FLRT1: variants seen among roughly 807,000 people sequenced by gnomAD.
The protein encoded by FLRT1 is leucine-rich repeat transmembrane protein FLRT1.
In FLRT1, 14 loss-of-function variants were observed where a neutral mutation model predicts 30.9. The observed-to-expected ratio is 0.45, with a 90% confidence interval of 0.30 to 0.71. FLRT1 has a LOEUF of 0.71. FLRT1 is among the 30% of genes least tolerant of loss of function. The pLI is 0.08. For missense variants in FLRT1, 737 were observed against 949.2 expected, an observed-to-expected ratio of 0.78 and a Z score of 2.94; for synonymous variants, 368 against 430.4, an observed-to-expected ratio of 0.85 and a Z score of 1.80.
In FLRT1 at chr11:64,096,508, C is replaced by T. The variant is rs572237711; in HGVS notation, c.-1037-6686C>T. On this transcript the variant is annotated intron_variant, in intron 1 of 2. Transcript: ENST00000682287. The surrounding 1 kb of genome is among the most constrained non-coding windows in gnomAD (Gnocchi z 4.6). ...TCGGCTCACTGCAACCTCCGCCTTC[C>T]GGGTTCAAGCAATTCTCTTGCCTCA... Among the ~76,000 whole-genome samples the T allele has an allele frequency of 7.2e-5, 11 of 152,130 alleles. No individual in the cohort carries two copies. The East Asian group carries it at 7.7e-4, about 11-fold the overall frequency.
chr11:64,051,140 G>A (rs1943686332), intron 1 of FLRT1, among the ~76,000 whole-genome samples: 2 of 152,210 alleles, frequency 1.3e-5, no homozygotes, highest in South Asian at 4.1e-4. Context: ...CAGGTTTGAG[G>A]CCCCCTGACC....
intron 1 of FLRT1, among the ~76,000 whole-genome samples, chr11:64,074,258 T>A (rs1211497310): frequency 6.6e-6 from 1 of 152,192 alleles, no homozygotes; most frequent in East Asian, 1.9e-4. Flanking sequence ...CTTTCCTCTT[T>A]CTCAGGTGTG....
Position 64,067,836 on chromosome 11 carries a change from A to G in FLRT1, c.-1038+31677A>G, listed in dbSNP as rs1944033738. ...CCCCACACTCCTGAAATGGGTGATG[A>G]GGGGGTTGGGGGAGGAGCTGAGCGG... On this transcript the variant is annotated intron_variant, in intron 1 of 2. Coordinates refer to ENST00000682287, the MANE Select transcript of FLRT1 (RefSeq NM_013280.5). This position sits in a 1 kb window ranked among gnomAD's most constrained non-coding sequence, Gnocchi z 4.6. Among the ~76,000 whole-genome samples, 2 of 151,922 alleles carry G rather than the reference A, an allele frequency of 1.3e-5. No homozygotes were observed. Among genetic ancestry groups the G allele is most frequent in the Non-Finnish European group, 2.9e-5 (2 of 67,978 alleles).
intron 1 of FLRT1, among the ~76,000 whole-genome samples, chr11:64,091,051 G>T (rs1047276790): frequency 6.7e-6 from 1 of 150,312 alleles, no homozygotes; most frequent in African/African-American, 2.5e-5. Context: ...GACAGAGGAG[G>T]AGGAGGGAAG....
chr11:64,044,137 A>C (rs115493268), intron 1 of FLRT1, among the ~76,000 whole-genome samples: 367 of 152,132 alleles, frequency 2.4e-3, no homozygotes, highest in African/African-American at 8.4e-3. Flanking sequence ...ATCTTAAAGC[A>C]TATGCTCGTA....
intron 1 of FLRT1, among the ~76,000 whole-genome samples, chr11:64,061,569 C>T (rs1003389924): frequency 6.6e-6 from 1 of 152,270 alleles, no homozygotes; most frequent in East Asian, 1.9e-4. Flanking sequence ...CACCACCCCC[C>T]ATTTGCTGCA....
chr11:64,107,885 C>A lies in FLRT1; in HGVS notation c.-50+3704C>A, dbSNP rs147824863. Among the ~76,000 whole-genome samples, 781 of 152,334 alleles carry A rather than the reference C, an allele frequency of 5.1e-3. 6 individuals carry two copies. Among genetic ancestry groups the A allele is most frequent in the African/African-American group, 0.018 (754 of 41,572 alleles). On this transcript the variant is annotated intron_variant, in intron 2 of 2. Coordinates refer to ENST00000682287, the MANE Select transcript of FLRT1 (RefSeq NM_013280.5). ...ACTCACACGACTCAAGGCTCCCCTC[C>A]CTTCCTGCAGTTCATGTCTGGGGCT...
At chr11:64,112,825 C>T (rs1251792576) in intron 2 of FLRT1, among the ~76,000 whole-genome samples, 1 of 152,212 alleles carries the variant, frequency 6.6e-6, no homozygotes, top group East Asian at 1.9e-4. Flanking sequence ...AGGGCCTTAG[C>T]AGCCACCTTG....
intron 2 of FLRT1, 143 bp downstream of exon 2, chr11:64,104,324 T>A (rs1565234341): frequency 6.6e-6 from 1 of 152,260 alleles, no homozygotes; most frequent in Admixed American, 6.5e-5. Flanking sequence ...TCCAAGGGTC[T>A]GCAGCTCCAT....
intron 2 of FLRT1, 102 bp from the exon 3 acceptor site, chr11:64,116,117 A>G (rs1481826484): frequency 8.0e-7 from 1 of 1,249,912 alleles, no homozygotes; most frequent in Non-Finnish European, 1.1e-6. Flanking sequence ...GACTTCGGTC[A>G]CCCCTTGGTA....
chr11:64,047,309 A>G (rs1943602778), intron 1 of FLRT1, among the ~76,000 whole-genome samples: 1 of 152,084 alleles, frequency 6.6e-6, no homozygotes, highest in African/African-American at 2.4e-5. Context: ...CAGCCCTGGG[A>G]GTGGGTAGCG....
chr11:64,095,765 G>A (rs911173693), intron 1 of FLRT1, among the ~76,000 whole-genome samples: 7 of 152,218 alleles, frequency 4.6e-5, no homozygotes, highest in Admixed American at 6.5e-5. Context: ...GCACTAGCAC[G>A]GAGCCCTTGA....
chr11:64,089,744 C>T lies in FLRT1; in HGVS notation c.-1037-13450C>T, dbSNP rs572087408. Among the ~76,000 whole-genome samples the T allele has an allele frequency of 5.9e-5, 9 of 152,224 alleles. No homozygotes were observed. In the East Asian group the frequency reaches 9.7e-4, roughly 16 times the overall value. On this transcript the variant is annotated intron_variant, in intron 1 of 2. Coordinates refer to ENST00000682287, the MANE Select transcript of FLRT1 (RefSeq NM_013280.5). Reference sequence around the variant, plus strand: ...GTGAGAGGCCCTGAGACAGTGCCATCGGGGAAGCTGCCAGTCCCGTGGGGG... The same window carrying T: ...GTGAGAGGCCCTGAGACAGTGCCATTGGGGAAGCTGCCAGTCCCGTGGGGG...
intron 1 of FLRT1, among the ~76,000 whole-genome samples, chr11:64,072,037 C>T (rs747421079): frequency 7.9e-5 from 12 of 152,206 alleles, no homozygotes; most frequent in Non-Finnish European, 1.2e-4. Flanking sequence ...TATTGACCGC[C>T]GCGCGCACTA....
At position 64,110,366 on chromosome 11, in the gene FLRT1, C is replaced by T. The variant is rs555131419; in HGVS notation, c.-49-5853C>T. ...CAGGAGGCTGAGGTGGGAGGATCACCTGAGCATGGGGAGGTCGAGGCTGCA... is the reference window on the plus strand; with the variant it reads ...CAGGAGGCTGAGGTGGGAGGATCACTTGAGCATGGGGAGGTCGAGGCTGCA... On this transcript the variant is annotated intron_variant, in intron 2 of 2. Transcript: ENST00000682287. Among the ~76,000 whole-genome samples the T allele has an allele frequency of 2.3e-4, 35 of 151,766 alleles. No individual in the cohort carries two copies. In the South Asian group the frequency reaches 3.8e-3, roughly 16 times the overall value.
At chr11:64,086,194 G>C (rs926499170) in intron 1 of FLRT1, among the ~76,000 whole-genome samples, 19 of 152,182 alleles carry the variant, frequency 1.2e-4, no homozygotes, top group African/African-American at 4.3e-4. Flanking sequence ...CCCAGGGCTG[G>C]AGTGGGGAGG....
At chr11:64,060,000 G>T (rs980226021) in intron 1 of FLRT1, among the ~76,000 whole-genome samples, 1 of 152,176 alleles carries the variant, frequency 6.6e-6, no homozygotes, top group Non-Finnish European at 1.5e-5. Flanking sequence ...AGGGCGGTGC[G>T]GGACGTCCAG....
chr11:64,078,811 G>T (rs559301632), intron 1 of FLRT1, among the ~76,000 whole-genome samples: 41 of 152,094 alleles, frequency 2.7e-4, no homozygotes, highest in Non-Finnish European at 5.0e-4. Context: ...CTGAGCAGGG[G>T]GTGTGGGGGC....
In FLRT1 at chr11:64,035,973, T is replaced by G. The variant is rs1439475952; in HGVS notation, c.-1224T>G. On this transcript the variant is annotated 5_prime_UTR_variant, in exon 1 of 3. It removes an upstream start codon present in the reference 5' UTR. Transcript: ENST00000682287. ...CCGCCGGGCGCCCGAGCCGGGCAGA[T>G]GCGCCGCCGCGCGCCCCCCGCTCCG... 2 of 145,864 alleles carry G rather than the reference T, an allele frequency of 1.4e-5. No homozygotes were observed. Among genetic ancestry groups the G allele is most frequent in the East Asian group, 4.3e-4 (2 of 4,700 alleles). The allele number at this position is 145,864 out of a possible 1,614,324, so 9.0% of individuals were successfully genotyped here. A position where few individuals can be genotyped will look rare whatever the true frequency, so the allele number is the denominator to read the frequency against.
Sources: allele counts gnomAD v4.1 joint callset (sites outside exome capture counted in the v4.1 genomes callset), GRCh38; gene constraint gnomAD v4.1.1; non-coding constraint Gnocchi (gnomAD v3.1); transcripts MANE v1.5; gene names NCBI Gene and HGNC (gene_info 2026-07-23, HGNC 2026-07-21).